The following FER variants were observed in gnomAD, a reference collection of about 807,000 sequenced individuals.
The protein encoded by FER is tyrosine-protein kinase Fer.
FER carries 63 observed loss-of-function variants against 111.0 expected under a neutral mutation model. That is an observed-to-expected ratio of 0.57 (90% CI 0.46 to 0.70). The LOEUF (loss-of-function observed/expected upper bound fraction) is 0.70. FER is among the 30% of genes least tolerant of loss of function. The pLI is 0.00. For synonymous variants in FER, 327 were observed against 313.9 expected, an observed-to-expected ratio of 1.04 and a Z score of -0.44; for missense variants, 914 against 954.0, an observed-to-expected ratio of 0.96 and a Z score of 0.55.
intron 2 of FER, among the ~76,000 whole-genome samples, chr5:108,795,023 A>G (rs1381598236): frequency 6.6e-6 from 1 of 152,152 alleles, no homozygotes; most frequent in Non-Finnish European, 1.5e-5. Flanking sequence ...TTACTCTTAG[A>G]TTCCCTTTTT....
At chr5:109,090,378 T>C (rs969257837) in intron 16 of FER, among the ~76,000 whole-genome samples, 3 of 152,142 alleles carry the variant, frequency 2.0e-5, no homozygotes, top group Non-Finnish European at 4.4e-5. Flanking sequence ...AGCCAATCCA[T>C]AAAGATTTGT....
At chr5:108,825,993 T>G (rs1304331745) in intron 3 of FER, among the ~76,000 whole-genome samples, 1 of 152,222 alleles carries the variant, frequency 6.6e-6, no homozygotes, top group Non-Finnish European at 1.5e-5. Flanking sequence ...AGAGTGAGCA[T>G]CCTTTTCTTT....
At chr5:109,090,097 C>G (rs550449911) in intron 16 of FER, among the ~76,000 whole-genome samples, 4 of 152,254 alleles carry the variant, frequency 2.6e-5, no homozygotes, top group Non-Finnish European at 4.4e-5. Flanking sequence ...TGCCTACTCA[C>G]CACTGCTGAG....
chr5:108,811,872 T>C (rs1226278023), intron 3 of FER, among the ~76,000 whole-genome samples: 1 of 152,218 alleles, frequency 6.6e-6, no homozygotes, highest in Non-Finnish European at 1.5e-5. Context: ...TTCCTCCTCC[T>C]TTTTGTTCCA....
At chr5:108,805,600 AG>A (rs771544612) in intron 3 of FER, among the ~76,000 whole-genome samples, 1 of 152,202 alleles carries the variant, frequency 6.6e-6, no homozygotes, top group Non-Finnish European at 1.5e-5. Context: ...ATGAACGAAA[AG>A]GTCCAGGCTG....
intron 13 of FER, among the ~76,000 whole-genome samples, chr5:108,997,562 C>T (rs757109424): frequency 1.6e-4 from 24 of 152,230 alleles, no homozygotes; most frequent in Non-Finnish European, 3.2e-4. Flanking sequence ...ATTGCCCTGG[C>T]CAGACTTCTA....
chr5:108,801,263 T>C (rs1330527405), intron 3 of FER, among the ~76,000 whole-genome samples: 1 of 152,258 alleles, frequency 6.6e-6, no homozygotes, highest in African/African-American at 2.4e-5. Context: ...ACACTAAGCT[T>C]TCTCCATTGA....
intron 2 of FER, among the ~76,000 whole-genome samples, chr5:108,789,046 T>C (rs1755064369): frequency 6.6e-6 from 1 of 152,252 alleles, no homozygotes; most frequent in African/African-American, 2.4e-5. Context: ...AAAATCTATC[T>C]TTGTGTCTCT....
Position 108,870,287 on chromosome 5 carries a change from C to A in FER, c.666-1078C>A, listed in dbSNP as rs181128243. ...TAGGAGATGTTTTTCATTTTTCCTCCCCATTTGTATTAAAGGTAAATGTTA... is the reference window on the plus strand; with the variant it reads ...TAGGAGATGTTTTTCATTTTTCCTCACCATTTGTATTAAAGGTAAATGTTA... On this transcript the variant is annotated intron_variant, in intron 6 of 19. Coordinates refer to ENST00000281092, the MANE Select transcript of FER (RefSeq NM_005246.4). Among the ~76,000 whole-genome samples the A allele has an allele frequency of 4.3e-3, 650 of 152,094 alleles. 5 individuals are homozygous for A. Among genetic ancestry groups the A allele is most frequent in the African/African-American group, 0.015 (604 of 41,514 alleles).
At chr5:108,879,363 A>T (rs1192955856) in intron 8 of FER, among the ~76,000 whole-genome samples, 1 of 151,972 alleles carries the variant, frequency 6.6e-6, no homozygotes, top group African/African-American at 2.4e-5. Context: ...TCTCGCATGC[A>T]TTAACTATAT....
chr5:109,119,565 G>T (rs888257178), intron 17 of FER, among the ~76,000 whole-genome samples: 2 of 152,108 alleles, frequency 1.3e-5, no homozygotes, highest in African/African-American at 4.8e-5. Flanking sequence ...GGATATCCTT[G>T]TTAACTTTCT....
chr5:108,845,060 A>G (rs1294145344), intron 5 of FER, among the ~76,000 whole-genome samples: 27 of 69,496 alleles, frequency 3.9e-4, no homozygotes, highest in Admixed American at 4.2e-4. Context: ...ATATATATAT[A>G]TATATATACA....
intron 13 of FER, among the ~76,000 whole-genome samples, chr5:108,985,811 C>T (rs1762508338): frequency 1.3e-5 from 2 of 152,050 alleles, no homozygotes; most frequent in Non-Finnish European, 2.9e-5. Flanking sequence ...TATATATACA[C>T]CACAATTTCT....
chr5:109,012,027 G>T (rs1177733879), intron 13 of FER, among the ~76,000 whole-genome samples: 2 of 152,218 alleles, frequency 1.3e-5, no homozygotes, highest in East Asian at 3.9e-4. Flanking sequence ...TCTCTACTGT[G>T]CAGCCATCTT....
intron 13 of FER, among the ~76,000 whole-genome samples, chr5:109,018,406 T>C (rs1178342651): frequency 6.6e-6 from 1 of 151,908 alleles, no homozygotes; most frequent in African/African-American, 2.4e-5. Flanking sequence ...TATCTTACCA[T>C]TGGGACTACA....
chr5:109,071,513 A>G (rs143784928), intron 16 of FER, among the ~76,000 whole-genome samples: 1 of 152,030 alleles, frequency 6.6e-6, no homozygotes, highest in African/African-American at 2.4e-5. Context: ...TTTTATCTCT[A>G]TATGTATCAT....
intron 2 of FER, among the ~76,000 whole-genome samples, chr5:108,795,577 A>G (rs1049301777): frequency 9.9e-5 from 15 of 151,826 alleles, no homozygotes; most frequent in African/African-American, 3.6e-4. Flanking sequence ...GTTCCCTCTG[A>G]CTATTTTTAA....
At position 108,773,172 on chromosome 5, in the gene FER, A is replaced by C. The variant is rs142186714; in HGVS notation, c.-60+4934A>C. Among the ~76,000 whole-genome samples the C allele has an allele frequency of 1.1e-4, 17 of 152,220 alleles. No individual in the cohort carries two copies. In the East Asian group the frequency reaches 2.9e-3, roughly 26 times the overall value. ...GGGATAACTTTTAAGTAGGATATTT[A>C]CTTTTATTTATTAATTTTTTATTAT... On this transcript the variant is annotated intron_variant, in intron 2 of 19. Transcript: ENST00000281092.
At chr5:108,966,388 C>CTTTTTTTTTTT (rs34899054) in intron 13 of FER, among the ~76,000 whole-genome samples, 3 of 124,978 alleles carry the variant, frequency 2.4e-5, no homozygotes, top group Admixed American at 8.1e-5. Flanking sequence ...TTTTTCTTTT[C>CTTTTTTTTTTT]TTTTTTTTTT....
Sources: gnomAD v4.1 joint callset for allele counts (sites outside exome capture counted in the v4.1 genomes callset) on GRCh38, gnomAD v4.1.1 for gene constraint, MANE v1.5 for transcripts, NCBI Gene and HGNC (gene_info 2026-07-23, HGNC 2026-07-21) for gene names.